The following ANO6 variants were observed in gnomAD, a reference collection of about 807,000 sequenced individuals.
ANO6 encodes anoctamin-6.
Under a neutral mutation model 117.5 loss-of-function variants are expected in ANO6, and 106 were observed. The ratio of observed to expected loss-of-function variants is 0.90; its 90% CI spans 0.77 to 1.06. The LOEUF (loss-of-function observed/expected upper bound fraction) is 1.06. Ranked by LOEUF, ANO6 falls within the 50% of genes least tolerant of loss-of-function variation. The pLI, the probability that ANO6 is intolerant of heterozygous loss-of-function variation, is 0.00. For missense variants in ANO6, 955 were observed against 1,121.1 expected (o/e 0.85, Z 2.12); for synonymous variants, 367 against 385.1 (o/e 0.95, Z 0.55).
At position 45,350,713 on chromosome 12, in the gene ANO6, C is replaced by T. The variant is rs780109516; in HGVS notation, c.802C>T (p.Leu268=). Residue 268 remains leucine, a synonymous_variant, in exon 7 of 20, where the codon CTG becomes TTG. Transcript: ENST00000320560. ...CAGCTGCCCTAATGAACGGTACCTT[C>T]TGTACAGAGAATGGGCTCATCCTCG... ...DPSCPNERYL[L]YREWAHPRSI... 2 of 1,613,758 alleles carry T rather than the reference C, an allele frequency of 1.2e-6. No individual in the cohort carries two copies.
intron 1 of ANO6, among the ~76,000 whole-genome samples, chr12:45,239,013 G>T (rs1182306359): frequency 6.6e-6 from 1 of 152,118 alleles, no homozygotes; most frequent in African/African-American, 2.4e-5. Flanking sequence ...TTTCTTTCTT[G>T]TATATCTGCC....
At chr12:45,338,482 T>C (rs1592984964) in intron 3 of ANO6, among the ~76,000 whole-genome samples, 1 of 152,042 alleles carries the variant, frequency 6.6e-6, no homozygotes. Flanking sequence ...TGGCAGCCAG[T>C]GTTGGGTGGT....
At chr12:45,345,612 C>T (rs942481033) in intron 3 of ANO6, among the ~76,000 whole-genome samples, 1 of 152,186 alleles carries the variant, frequency 6.6e-6, no homozygotes, top group Non-Finnish European at 1.5e-5. Flanking sequence ...AATTCTACTT[C>T]ATGTGCTTTA....
intron 8 of ANO6, among the ~76,000 whole-genome samples, chr12:45,359,985 G>A (rs1279290156): frequency 6.6e-6 from 1 of 152,186 alleles, no homozygotes; most frequent in Admixed American, 6.5e-5. Context: ...GTATGTCATT[G>A]CAGTTTTGAC....
In ANO6 at chr12:45,304,976, CACTT is replaced by C. The variant is rs1255513351; in HGVS notation, c.150+2884_150+2887del. Among the ~76,000 whole-genome samples, 3 of 152,336 alleles carry C rather than the reference CACTT, an allele frequency of 2.0e-5. No homozygotes were observed. In the East Asian group the frequency reaches 5.8e-4, roughly 29 times the overall value. ...CAGCATCCCCAGTGGCTTCTTCTCT[CACTT>C]GCTGCGGAGTTTGTCCATTGATTAC... On this transcript the variant is annotated intron_variant, in intron 2 of 19. Coordinates refer to ENST00000320560, the MANE Select transcript of ANO6 (RefSeq NM_001025356.3).
chr12:45,265,401 A>C (rs1418548340), intron 1 of ANO6, among the ~76,000 whole-genome samples: 1 of 152,168 alleles, frequency 6.6e-6, no homozygotes, highest in Non-Finnish European at 1.5e-5. Flanking sequence ...CCCTGGCTCC[A>C]CACCTCACAT....
intron 2 of ANO6, among the ~76,000 whole-genome samples, chr12:45,317,133 T>TATACTTTAATATATATATATA (rs34406866): frequency 1.4e-5 from 1 of 69,542 alleles, no homozygotes; most frequent in Non-Finnish European, 3.2e-5. Context: ...ATATATATAT[T>TATACTTTAATATATATATATA]TATTATACTT....
intron 12 of ANO6, among the ~76,000 whole-genome samples, chr12:45,391,063 G>A (rs1942437160): frequency 1.3e-5 from 2 of 152,062 alleles, no homozygotes; most frequent in South Asian, 4.2e-4. Context: ...GGAGGTTGCA[G>A]TGAGTGAAAA....
At chr12:45,289,312 G>A (rs1003372659) in intron 1 of ANO6, among the ~76,000 whole-genome samples, 1 of 151,660 alleles carries the variant, frequency 6.6e-6, no homozygotes, top group African/African-American at 2.4e-5. Flanking sequence ...GATTACAGGT[G>A]CCTGCCACCA....
chr12:45,297,377 G>C (rs1254536935), intron 1 of ANO6, among the ~76,000 whole-genome samples: 3 of 152,146 alleles, frequency 2.0e-5, no homozygotes, highest in Non-Finnish European at 4.4e-5. Flanking sequence ...ATCATTTTGT[G>C]TTTTCTCATA....
At chr12:45,240,011 T>A (rs144648003) in intron 1 of ANO6, among the ~76,000 whole-genome samples, 69 of 152,306 alleles carry the variant, frequency 4.5e-4, no homozygotes, top group Admixed American at 1.4e-3. Context: ...TGATTTGGGA[T>A]GGAGAATTCT....
chr12:45,367,915 C>T, intron 9 of ANO6, 122 bp downstream of exon 9: 1 of 746,062 alleles, frequency 1.3e-6, no homozygotes. Context: ...TTCAACTAAC[C>T]TTTCAAACAT....
intron 3 of ANO6, among the ~76,000 whole-genome samples, chr12:45,345,431 T>C (rs967250107): frequency 3.3e-5 from 5 of 152,136 alleles, no homozygotes; most frequent in African/African-American, 1.2e-4. Flanking sequence ...TCATGAGTAT[T>C]GTTCCCTGGG....
intron 12 of ANO6, among the ~76,000 whole-genome samples, chr12:45,393,182 G>A (rs1488521353): frequency 1.3e-5 from 2 of 152,146 alleles, no homozygotes; most frequent in African/African-American, 2.4e-5. Context: ...ACCATGGCAC[G>A]GGAACTTTGT....
At chr12:45,326,750 C>T (rs1372252310) in intron 2 of ANO6, among the ~76,000 whole-genome samples, 1 of 152,174 alleles carries the variant, frequency 6.6e-6, no homozygotes, top group Non-Finnish European at 1.5e-5. Flanking sequence ...CATCCACTCC[C>T]AGCAGCTGCT....
rs199508811 is a variant in ANO6, at chr12:45,421,321, G to T, written c.2420+48G>T. ...AAAAATGCACTTCATCTTTAAAAGG[G>T]TTTTTCTTGTGACTTAATTCTGTTT... is the stretch of plus-strand genomic sequence containing the variant. On this transcript the variant is annotated intron_variant, in intron 18 of 19. Transcript: ENST00000320560. 9 of 1,567,062 alleles carry T rather than the reference G, an allele frequency of 5.7e-6. No homozygotes were observed. In the East Asian group the frequency reaches 2.0e-4, roughly 35 times the overall value.
chr12:45,222,789 G>A (rs999658812), intron 1 of ANO6, among the ~76,000 whole-genome samples: 3 of 152,188 alleles, frequency 2.0e-5, no homozygotes, highest in Non-Finnish European at 4.4e-5. Flanking sequence ...CATTTCAGAA[G>A]GGATCCTGCC....
chr12:45,335,021 C>T (rs1269989728), intron 3 of ANO6, among the ~76,000 whole-genome samples: 2 of 151,866 alleles, frequency 1.3e-5, no homozygotes, highest in African/African-American at 4.8e-5. Flanking sequence ...CTAGGTAGTA[C>T]AAAAACAGTG....
At chr12:45,311,971 T>G (rs1414152056) in intron 2 of ANO6, among the ~76,000 whole-genome samples, 1 of 152,080 alleles carries the variant, frequency 6.6e-6, no homozygotes, top group Non-Finnish European at 1.5e-5. Flanking sequence ...AATGATGTAA[T>G]TGATTAAAAC....
Sources: gnomAD v4.1 joint callset for allele counts (sites outside exome capture counted in the v4.1 genomes callset) on GRCh38, gnomAD v4.1.1 for gene constraint, MANE v1.5 for transcripts, NCBI Gene and HGNC (gene_info 2026-07-23, HGNC 2026-07-21) for gene names.